Variants in CYP4X1 observed in about 807,000 individuals in gnomAD.
CYP4X1 encodes the protein cytochrome P450 family 4 subfamily X member 1.
A neutral mutation model predicts 57.9 loss-of-function variants in CYP4X1; 44 were observed. The ratio of observed to expected loss-of-function variants is 0.76; its 90% CI spans 0.60 to 0.98. The LOEUF (loss-of-function observed/expected upper bound fraction) is 0.98, where lower values mean the gene tolerates loss of function less well. Ranked by LOEUF, CYP4X1 falls within the 50% of genes least tolerant of loss-of-function variation. The pLI, the probability that CYP4X1 is intolerant of heterozygous loss-of-function variation, is 0.00. For missense variants in CYP4X1, 532 were observed against 623.9 expected (o/e 0.85, Z 1.57); for synonymous variants, 227 against 228.6 (o/e 0.99, Z 0.06).
At chr1:47,051,643 A>G (rs1295909360), downstream of CYP4X1, among the ~76,000 whole-genome samples, 1 of 152,098 alleles carries the variant, frequency 6.6e-6, no homozygotes, top group Non-Finnish European at 1.5e-5. Context: ...TAAAATCTAT[A>G]TATAAAAAAA....
chr1:47,039,054 C>T lies in CYP4X1; in HGVS notation c.882+288C>T, dbSNP rs75779875. The stretch of plus-strand genomic sequence containing the variant: ...ATGAAAAAATGGTCACATGGATAAA[C>T]GTAAAAATTATGATGATAAGGTCCT... On this transcript the variant is annotated intron_variant, in intron 7 of 11. Coordinates refer to ENST00000371901, the MANE Select transcript of CYP4X1 (RefSeq NM_178033.2). Among the ~76,000 whole-genome samples the T allele has an allele frequency of 5.5e-3, 844 of 152,124 alleles. 14 individuals carry two copies. The highest frequency in any genetic ancestry group is 0.046 in the East Asian group (239 of 5,164).
At chr1:47,049,080 C>T (rs559788175) in intron 10 of CYP4X1, among the ~76,000 whole-genome samples, 30 of 152,282 alleles carry the variant, frequency 2.0e-4, no homozygotes, top group Middle Eastern at 3.4e-3. Context: ...GTAGTAGCCA[C>T]GGGCCACATA....
the CYP4X1 span, among the ~76,000 whole-genome samples, chr1:46,976,215 G>A: frequency 2.0e-5 from 3 of 152,154 alleles, no homozygotes; most frequent in African/African-American, 4.8e-5. Flanking sequence ...GTGACAGGCT[G>A]TACCAGGAAA....
chr1:47,039,412 A>C lies in CYP4X1; in HGVS notation c.953A>C (p.His318Pro). ...SEVSTFLLAG[H>P]DTLAASISWI... ...GTGAGCACATTCCTGTTGGCAGGAC[A>C]TGACACCTTGGCAGCAAGCATCTCC... The change falls in exon 8 of 12, where the codon CAT (histidine) becomes CCT (proline). Residue 318 changes from histidine (H) to proline (P), a missense_variant. By Grantham distance (77) the His-to-Pro change is moderately conservative (BLOSUM62 -2). Coordinates refer to ENST00000371901, the MANE Select transcript of CYP4X1 (RefSeq NM_178033.2). The C allele has an allele frequency of 6.2e-7, 1 of 1,613,730 alleles. No individual in the cohort carries two copies. Among genetic ancestry groups the C allele is most frequent in the Non-Finnish European group, 8.5e-7 (1 of 1,179,812 alleles).
the CYP4X1 span, among the ~76,000 whole-genome samples, chr1:47,014,387 G>C: frequency 6.6e-6 from 1 of 152,124 alleles, no homozygotes; most frequent in East Asian, 1.9e-4. Context: ...GTAGGAAATA[G>C]AGAGAGGAGG....
chr1:46,974,368 T>C, the CYP4X1 span, among the ~76,000 whole-genome samples: 1 of 152,268 alleles, frequency 6.6e-6, no homozygotes, highest in South Asian at 2.1e-4. Context: ...TTTTAGAGTA[T>C]GTGCTGTGTG....
At chr1:46,984,062 C>G in the CYP4X1 span, among the ~76,000 whole-genome samples, 1 of 150,420 alleles carries the variant, frequency 6.6e-6, no homozygotes, top group Non-Finnish European at 1.5e-5. Flanking sequence ...GCCTGAGCAG[C>G]AGCTCTGCCG....
At chr1:46,965,238 C>A in the CYP4X1 span, among the ~76,000 whole-genome samples, 1 of 152,278 alleles carries the variant, frequency 6.6e-6, no homozygotes, top group African/African-American at 2.4e-5. Context: ...TGTGCTGCAC[C>A]CACTGTGCTG....
the CYP4X1 span, among the ~76,000 whole-genome samples, chr1:47,012,056 T>C: frequency 6.6e-6 from 1 of 152,226 alleles, no homozygotes; most frequent in Admixed American, 6.5e-5. Flanking sequence ...ATCCCATTAC[T>C]GGGTATATAC....
At chr1:46,962,671 C>T in the CYP4X1 span, among the ~76,000 whole-genome samples, 1 of 152,270 alleles carries the variant, frequency 6.6e-6, no homozygotes, top group East Asian at 1.9e-4. Flanking sequence ...TTACTTCCAA[C>T]TATGTGGTCA....
At chr1:46,970,086 A>C in the CYP4X1 span, among the ~76,000 whole-genome samples, 1 of 152,240 alleles carries the variant, frequency 6.6e-6, no homozygotes, top group African/African-American at 2.4e-5. Context: ...CTCTATGTAG[A>C]CTGGTGAATT....
At chr1:46,996,825 C>T in the CYP4X1 span, among the ~76,000 whole-genome samples, 1,344 of 152,100 alleles carry the variant, frequency 8.8e-3, 13 homozygotes, top group South Asian at 0.051. Flanking sequence ...ATTGGACAAA[C>T]GAGGGAGAGT....
intron 6 of CYP4X1, 80 bp downstream of exon 6, chr1:47,036,251 A>T: frequency 7.0e-7 from 1 of 1,420,072 alleles, no homozygotes; most frequent in Non-Finnish European, 9.2e-7. Flanking sequence ...AAACCTTAAT[A>T]TGACAAGAGA....
Position 47,047,870 on chromosome 1 carries a change from T to C in CYP4X1, c.1208-695T>C, listed in dbSNP as rs574909971. ...CCTCAGCCTCCCAAAGCGCTGGGAC[T>C]ACAGCCATGAGCCACTGCACCCAGC... On this transcript the variant is annotated intron_variant, in intron 9 of 11. Transcript: ENST00000371901. 6.6e-5 allele frequency among the ~76,000 whole-genome samples: 10 copies of C among 152,262 alleles called. No homozygotes were observed. The South Asian group carries it at 1.9e-3, about 28-fold the overall frequency.
intron 1 of CYP4X1, among the ~76,000 whole-genome samples, chr1:47,025,428 G>A (rs895440189): frequency 2.6e-5 from 4 of 152,120 alleles, no homozygotes; most frequent in African/African-American, 9.7e-5. Flanking sequence ...CAACACAAAT[G>A]TACTAAGACA....
At chr1:46,976,295 ATCCCACGCCTGGATCCGTGGG>A in the CYP4X1 span, among the ~76,000 whole-genome samples, 2 of 152,150 alleles carry the variant, frequency 1.3e-5, no homozygotes, top group Non-Finnish European at 2.9e-5. Context: ...AGGAGATTAT[ATCCCACGCCTGGATCCGTGGG>A]TCCCATGCCC....
the CYP4X1 span, chr1:47,003,262 G>T: frequency 6.6e-6 from 1 of 152,158 alleles, no homozygotes; most frequent in Non-Finnish European, 1.5e-5. Flanking sequence ...GAATCAATCA[G>T]CAGAAGTTAG....
At chr1:47,026,000 T>C (rs1277818946) in intron 1 of CYP4X1, among the ~76,000 whole-genome samples, 2 of 152,218 alleles carry the variant, frequency 1.3e-5, no homozygotes, top group Admixed American at 1.3e-4. Context: ...AAGGTCTATT[T>C]CTGAGTCTTC....
At chr1:46,991,165 T>G in the CYP4X1 span, among the ~76,000 whole-genome samples, 1 of 152,076 alleles carries the variant, frequency 6.6e-6, no homozygotes, top group Non-Finnish European at 1.5e-5. Context: ...AGACTGCTTT[T>G]AATGCGTTCT....
Sources: gnomAD v4.1 joint callset for allele counts (sites outside exome capture counted in the v4.1 genomes callset) on GRCh38, gnomAD v4.1.1 for gene constraint, MANE v1.5 for transcripts, NCBI Gene and HGNC (gene_info 2026-07-23, HGNC 2026-07-21) for gene names.